Variants in LARP1 observed in about 807,000 individuals in gnomAD.
The protein encoded by LARP1 is la-related protein 1.
In LARP1, 36 loss-of-function variants were observed where a neutral mutation model predicts 122.7. The observed-to-expected ratio is 0.29, with a 90% confidence interval of 0.22 to 0.39. The LOEUF (loss-of-function observed/expected upper bound fraction) is 0.39. Ranked by LOEUF, LARP1 falls within the 10% of genes least tolerant of loss-of-function variation. LARP1 has a pLI of 1.00. For synonymous variants in LARP1, 539 were observed against 528.7 expected, an observed-to-expected ratio of 1.02 and a Z score of -0.27; for missense variants, 1,040 against 1,403.6, an observed-to-expected ratio of 0.74 and a Z score of 4.14.
In LARP1 at chr5:154,745,881, C is replaced by T. The variant is rs181866710; in HGVS notation, c.205+32751C>T. 4.6e-5 allele frequency among the ~76,000 whole-genome samples: 7 copies of T among 152,070 alleles called. No homozygotes were observed. In the South Asian group the frequency reaches 1.0e-3, roughly 23 times the overall value. On this transcript the variant is annotated intron_variant, in intron 1 of 18. Transcript: ENST00000336314. ...TGCGATTTCAGATCACTGCAACCTC[C>T]GAATCCCTGGTTCAAGCGATTCTCT...
chr5:154,734,338 C>T (rs950412122), intron 1 of LARP1, among the ~76,000 whole-genome samples: 1 of 152,104 alleles, frequency 6.6e-6, no homozygotes, highest in African/African-American at 2.4e-5. Context: ...ATGAAGTCAA[C>T]TTATGTCAGT....
intron 1 of LARP1, among the ~76,000 whole-genome samples, chr5:154,787,200 T>A (rs565697108): frequency 1.6e-4 from 24 of 152,238 alleles, no homozygotes; most frequent in Admixed American, 1.6e-3. Flanking sequence ...CTTGACCAAG[T>A]GAATGGTGTT....
At position 154,756,167 on chromosome 5, in the gene LARP1, C is replaced by T; in HGVS notation, c.410C>T (p.Thr137Ile). Reference protein sequence around the residue: ...WTKNALPPVLTTVNGQSPPEH... With the variant: ...WTKNALPPVLITVNGQSPPEH... The stretch of plus-strand genomic sequence containing the variant: ...AAGAACGCATTGCCGCCGGTCCTGA[C>T]CACCGTGAACGGACAGTCCCCCCCA... Residue 137 changes from threonine (T) to isoleucine (I), a missense_variant, in exon 1 of 19, where the codon ACC becomes ATC. Around this residue, in one of 8 missense-constraint regions of LARP1, gnomAD observed 257 missense variants for 273.3 expected, o/e 0.94. Coordinates refer to ENST00000518297, the MANE Select transcript of LARP1 (RefSeq NM_033551.3). 1 of 1,314,254 alleles carries T rather than the reference C, an allele frequency of 7.6e-7. No individual in the cohort carries two copies. The highest frequency in any genetic ancestry group is 1.0e-6 in the Non-Finnish European group (1 of 997,682). 81.4% of individuals were successfully genotyped at this position (1,314,254 alleles called of 1,614,324 possible).
chr5:154,711,701 T>C (rs1183577092), upstream of LARP1, among the ~76,000 whole-genome samples: 1 of 152,176 alleles, frequency 6.6e-6, no homozygotes, highest in African/African-American at 2.4e-5. Context: ...CAGGAATAAA[T>C]AAGGAATAGA....
intron 1 of LARP1, among the ~76,000 whole-genome samples, chr5:154,781,768 G>T (rs962766922): frequency 6.6e-6 from 1 of 152,096 alleles, no homozygotes; most frequent in Non-Finnish European, 1.5e-5. Flanking sequence ...TTGTTTTTTA[G>T]GTTCATCAGC....
Position 154,776,167 on chromosome 5 carries a change from GACA to G in LARP1, c.437-14157_437-14155del, listed in dbSNP as rs1755865772. On this transcript the variant is annotated intron_variant, in intron 1 of 18. Transcript: ENST00000518297. The stretch of plus-strand genomic sequence containing the variant: ...TCTATTTTATTTTATTTTGTATAGA[GACA>G]GAGCATTGGGTGAGCAAACAGTAAG... 1.3e-5 allele frequency among the ~76,000 whole-genome samples: 2 copies of G among 152,318 alleles called. 1 individual carries two copies. The highest frequency in any genetic ancestry group is 4.8e-5 in the African/African-American group (2 of 41,558).
intron 1 of LARP1, among the ~76,000 whole-genome samples, chr5:154,735,126 T>C (rs1291035155): frequency 4.6e-5 from 7 of 152,202 alleles, no homozygotes; most frequent in African/African-American, 1.7e-4. Flanking sequence ...TGAATAGTAC[T>C]GCTATGAACA....
At chr5:154,722,200 C>T (rs1392309962) in intron 1 of LARP1, among the ~76,000 whole-genome samples, 1 of 152,196 alleles carries the variant, frequency 6.6e-6, no homozygotes, top group East Asian at 1.9e-4. Context: ...CTAGACTCCG[C>T]ATGATCTGCC....
rs561752474 is a variant in LARP1, at chr5:154,793,475, C to G, written c.740-120C>G. On this transcript the variant is annotated intron_variant, in intron 4 of 18. Transcript: ENST00000518297. ...GCTAATGTGTGGGAAAGGGATCTGC[C>G]CAAGGTAACCAGATTGTGATTTGGG... The G allele has an allele frequency of 1.3e-4, 165 of 1,284,050 alleles. 1 individual carries two copies. Among genetic ancestry groups the G allele is most frequent in the Middle Eastern group, 2.0e-4 (1 of 5,042 alleles). The allele number at this position is 1,284,050 out of a possible 1,614,324, so 79.5% of individuals were successfully genotyped here. A position where few individuals can be genotyped will look rare whatever the true frequency, so the allele number is the denominator to read the frequency against.
chr5:154,796,000 ATATAT>A (rs1316111676), intron 8 of LARP1, among the ~76,000 whole-genome samples: 3 of 101,098 alleles, frequency 3.0e-5, no homozygotes, highest in Admixed American at 3.1e-4. Context: ...ATATTTTTAT[ATATAT>A]TATATATTTA....
intron 1 of LARP1, among the ~76,000 whole-genome samples, chr5:154,687,898 C>T (rs1411955599): frequency 1.3e-5 from 2 of 152,180 alleles, no homozygotes; most frequent in East Asian, 1.9e-4. Context: ...TTTGGTTGCA[C>T]TGGCCCAGGG....
chr5:154,813,812 T>C, intron 18 of LARP1, 75 bp from the exon 19 acceptor site: 1 of 1,180,770 alleles, frequency 8.5e-7, no homozygotes, highest in South Asian at 1.3e-5. Flanking sequence ...AAGTAGGAAG[T>C]GTCTAGACGG....
chr5:154,729,233 G>C (rs1226909990), intron 1 of LARP1: 1 of 159,676 alleles, frequency 6.3e-6, no homozygotes, highest in Non-Finnish European at 1.4e-5. Flanking sequence ...TCACCAAAAT[G>C]ACTAACACAA....
At chr5:154,774,049 AT>A (rs543076767) in intron 1 of LARP1, among the ~76,000 whole-genome samples, 468 of 142,440 alleles carry the variant, frequency 3.3e-3, no homozygotes, top group Middle Eastern at 3.6e-3. Context: ...GCCTGGCTTC[AT>A]TTTTTTTTTT....
chr5:154,792,572 A>G, intron 3 of LARP1, 50 bp from the exon 4 acceptor site: 2 of 1,563,556 alleles, frequency 1.3e-6, no homozygotes, highest in Non-Finnish European at 1.8e-6. Context: ...TCCCTCCTAT[A>G]CCATGAGGCA....
At position 154,735,406 on chromosome 5, in the gene LARP1, C is replaced by G. The variant is rs187482033; in HGVS notation, c.205+22276C>G. ...GGCGGAGGTTGCAGTGAGCTGAGAT[C>G]GCACCACTCTCCTCCAAGCCTGGGT... is the stretch of plus-strand genomic sequence containing the variant. On this transcript the variant is annotated intron_variant, in intron 1 of 18. Coordinates refer to the LARP1 transcript ENST00000336314. Among the ~76,000 whole-genome samples the G allele has an allele frequency of 5.2e-4, 79 of 151,578 alleles. No individual in the cohort carries two copies. In the East Asian group the frequency reaches 0.012, roughly 23 times the overall value.
At chr5:154,777,708 AAC>A (rs1756033651) in intron 1 of LARP1, among the ~76,000 whole-genome samples, 1 of 152,202 alleles carries the variant, frequency 6.6e-6, no homozygotes, top group South Asian at 2.1e-4. Flanking sequence ...AATTGTTTGT[AAC>A]ACAAAGAAAG....
At chr5:154,728,091 C>T (rs1339645734) in intron 1 of LARP1, among the ~76,000 whole-genome samples, 1 of 152,162 alleles carries the variant, frequency 6.6e-6, no homozygotes, top group Non-Finnish European at 1.5e-5. Context: ...GAAAATAAAT[C>T]TTGTGTGAGC....
At chr5:154,724,046 G>T (rs1756051029) in intron 1 of LARP1, among the ~76,000 whole-genome samples, 1 of 152,158 alleles carries the variant, frequency 6.6e-6, no homozygotes, top group South Asian at 2.1e-4. Flanking sequence ...TTTGAATCCT[G>T]CCAGAGGCAA....
Sources: allele counts gnomAD v4.1 joint callset (sites outside exome capture counted in the v4.1 genomes callset), GRCh38; gene constraint gnomAD v4.1.1; regional missense constraint gnomAD v4.1.1; transcripts MANE v1.5; gene names NCBI Gene and HGNC (gene_info 2026-07-23, HGNC 2026-07-21).